The following SLF1 variants were observed in gnomAD, a reference collection of about 807,000 sequenced individuals.
SLF1 encodes the protein SMC5/6 complex localization factor 1.
SLF1 carries 105 observed loss-of-function variants against 123.0 expected under a neutral mutation model. The ratio of observed to expected loss-of-function variants is 0.85; its 90% CI spans 0.73 to 1.00. SLF1 has a LOEUF of 1.00. Among genes scored for constraint, SLF1 ranks in the 50% least tolerant of loss-of-function variants. The pLI is 0.00. For synonymous variants in SLF1, 434 were observed against 406.6 expected (o/e 1.07, Z -0.81); for missense variants, 1,239 against 1,223.0 (o/e 1.01, Z -0.20).
At chr5:94,645,323 A>T (rs1180770548) in intron 5 of SLF1, among the ~76,000 whole-genome samples, 2 of 152,204 alleles carry the variant, frequency 1.3e-5, no homozygotes, top group Non-Finnish European at 2.9e-5. Context: ...TAGACATAGA[A>T]TCTAGACCCT....
chr5:94,640,873 T>C (rs1412553666), intron 4 of SLF1, among the ~76,000 whole-genome samples: 1 of 152,248 alleles, frequency 6.6e-6, no homozygotes, highest in Non-Finnish European at 1.5e-5. Flanking sequence ...ATTAGTTCCT[T>C]TAACACATCA....
chr5:94,696,840 A>T lies in SLF1; in HGVS notation c.*1528A>T, dbSNP rs765129765. The T allele has an allele frequency of 6.6e-6, 1 of 151,868 alleles. No homozygotes were observed. Among genetic ancestry groups the T allele is most frequent in the African/African-American group, 2.4e-5 (1 of 41,410 alleles). 9.4% of individuals were successfully genotyped at this position (151,868 alleles called of 1,614,324 possible). On this transcript the variant is annotated 3_prime_UTR_variant, in exon 21 of 21. Transcript: ENST00000265140. Reference sequence around the variant, plus strand: ...ATGTCAAATAGAAATCACACCAGGTATCTTTGTCATGATAGAATTGTTAGC... The same window carrying T: ...ATGTCAAATAGAAATCACACCAGGTTTCTTTGTCATGATAGAATTGTTAGC...
At chr5:94,649,279 G>T (rs1747409337) in intron 5 of SLF1, among the ~76,000 whole-genome samples, 175 bp from the exon 6 acceptor site, 1 of 152,136 alleles carries the variant, frequency 6.6e-6, no homozygotes, top group African/African-American at 2.4e-5. Context: ...TTACTATCAT[G>T]ATTTTTTCCC....
At chr5:94,637,052 T>A (rs1745891652) in intron 4 of SLF1, among the ~76,000 whole-genome samples, 1 of 152,348 alleles carries the variant, frequency 6.6e-6, no homozygotes, top group South Asian at 2.1e-4. Flanking sequence ...TCTTTGTCTA[T>A]CATTCTGTAG....
intron 15 of SLF1, among the ~76,000 whole-genome samples, chr5:94,685,940 T>C (rs1343838759): frequency 6.6e-6 from 1 of 152,060 alleles, no homozygotes; most frequent in Non-Finnish European, 1.5e-5. Context: ...TTATACATGC[T>C]CCTGTTTCAT....
Position 94,670,126 on chromosome 5 carries a change from A to C in SLF1, c.1533-25A>C, listed in dbSNP as rs765544306. 2.0e-5 allele frequency: 30 copies of C among 1,523,346 alleles called. No individual in the cohort carries two copies. The Admixed American group carries it at 6.3e-4, about 32-fold the overall frequency. The allele number at this position is 1,523,346 out of a possible 1,614,324, so 94.4% of individuals were successfully genotyped here. ...ACTTAGTGAATTGCTTGTATGTTAT[A>C]GATTTTTGGGTTCATGTTTTTCAGG... On this transcript the variant is annotated intron_variant, in intron 12 of 20. Transcript: ENST00000265140.
At chr5:94,680,553 T>C (rs551142727) in intron 15 of SLF1, among the ~76,000 whole-genome samples, 1 of 152,320 alleles carries the variant, frequency 6.6e-6, no homozygotes, top group East Asian at 1.9e-4. Context: ...TTTCATTCCT[T>C]AATGAAATTT....
In SLF1 at chr5:94,628,888, A is replaced by G. The variant is rs1190952423; in HGVS notation, c.78A>G (p.Leu26=). 1 of 1,549,478 alleles carries G rather than the reference A, an allele frequency of 6.5e-7. No homozygotes were observed. The highest frequency in any genetic ancestry group is 8.7e-7 in the Non-Finnish European group (1 of 1,146,088). The change falls in exon 2 of 21, where the codon TTA becomes TTG. Residue 26 remains leucine, a synonymous_variant. Coordinates refer to ENST00000265140, the MANE Select transcript of SLF1 (RefSeq NM_032290.4). ...KMEEKEALVK[L]LLKLDCTFIK... is the part of the protein sequence containing the mutation. Reference sequence around the variant, plus strand: ...AAGAAAAAGAAGCGCTAGTCAAATTACTTTTAAAACTAGATTGCACTTTTA... The same window carrying G: ...AAGAAAAAGAAGCGCTAGTCAAATTGCTTTTAAAACTAGATTGCACTTTTA...
chr5:94,650,815 G>T (rs548843568), intron 6 of SLF1, among the ~76,000 whole-genome samples: 1 of 152,180 alleles, frequency 6.6e-6, no homozygotes, highest in Non-Finnish European at 1.5e-5. Flanking sequence ...TTGAGTTGAT[G>T]TGCCTCTTGT....
At chr5:94,650,328 T>G (rs1484782076) in intron 6 of SLF1, among the ~76,000 whole-genome samples, 1 of 151,900 alleles carries the variant, frequency 6.6e-6, no homozygotes, top group Non-Finnish European at 1.5e-5. Flanking sequence ...CTGTCAAGTA[T>G]TTTTGAAAGG....
intron 4 of SLF1, among the ~76,000 whole-genome samples, chr5:94,633,177 G>C (rs776663256): frequency 1.3e-5 from 2 of 151,354 alleles, no homozygotes; most frequent in Non-Finnish European, 2.9e-5. Flanking sequence ...AGTAGAGATG[G>C]GGTTTCTCCA....
chr5:94,621,507 A>T (rs369015300), intron 1 of SLF1, among the ~76,000 whole-genome samples: 1 of 152,166 alleles, frequency 6.6e-6, no homozygotes, highest in South Asian at 2.1e-4. Flanking sequence ...CCTTCTAAGT[A>T]AACCAAATTT....
At chr5:94,677,979 G>T (rs1312875409) in intron 14 of SLF1, among the ~76,000 whole-genome samples, 1 of 151,436 alleles carries the variant, frequency 6.6e-6, no homozygotes, top group Non-Finnish European at 1.5e-5. Flanking sequence ...GGAGTGCAGT[G>T]GCACAATCTC....
At position 94,653,291 on chromosome 5, in the gene SLF1, A is replaced by G; in HGVS notation, c.902A>G (p.Asp301Gly). 9 of 1,527,484 alleles carry G rather than the reference A, an allele frequency of 5.9e-6. No individual in the cohort carries two copies. The highest frequency in any genetic ancestry group is 7.0e-6 in the Non-Finnish European group (8 of 1,139,072). The allele number at this position is 1,527,484 out of a possible 1,614,324, so 94.6% of individuals were successfully genotyped here. ...YENQKEIKKK[D>G]EDIQRSYTLR... ...ATGTAGAAGGAAATTAAGAAAAAAG[A>G]TGAAGATATTCAGAGGAGTTATACT... Residue 301 changes from aspartate to glycine, a missense_variant, in exon 8 of 21, where the codon GAT (aspartate) becomes GGT (glycine). Coordinates refer to ENST00000265140, the MANE Select transcript of SLF1 (RefSeq NM_032290.4).
chr5:94,691,315 C>A, intron 18 of SLF1: 1 of 431,268 alleles, frequency 2.3e-6, no homozygotes, highest in Non-Finnish European at 4.1e-6. Context: ...TGTGTTAAAC[C>A]TTTTGCAGTA....
rs1753575399 is a variant in SLF1, at chr5:94,697,595, C to G, written c.*2283C>G. On this transcript the variant is annotated 3_prime_UTR_variant, in exon 21 of 21. Transcript: ENST00000265140. ...AGACCTTATTACAATGTAAATAAAG[C>G]TGGAGAGGAGATTTCTGAGCAGTTA... 2 of 151,790 alleles carry G rather than the reference C, an allele frequency of 1.3e-5. No individual in the cohort carries two copies. 9.4% of individuals were successfully genotyped at this position (151,790 alleles called of 1,614,324 possible).
Position 94,653,411 on chromosome 5 carries a change from A to C in SLF1, c.1022A>C (p.Asn341Thr). The C allele has an allele frequency of 6.7e-7, 1 of 1,500,690 alleles. No homozygotes were observed. Among genetic ancestry groups the C allele is most frequent in the Non-Finnish European group, 8.8e-7 (1 of 1,132,044 alleles). The allele number at this position is 1,500,690 out of a possible 1,614,324, so 93.0% of individuals were successfully genotyped here. Residue 341 changes from asparagine (N) to threonine (T), a missense_variant, in exon 8 of 21, where the codon AAT becomes ACT. By Grantham distance (65) the Asn-to-Thr change is moderately conservative (BLOSUM62 0). Coordinates refer to ENST00000265140, the MANE Select transcript of SLF1 (RefSeq NM_032290.4). ...AGTACCTTAAGAAGGCACATATATA[A>C]TAGAGATCAGGTAAAGTTTGTAAGC... ...IKSTLRRHIY[N>T]RDQKEMKNSI...
intron 14 of SLF1, among the ~76,000 whole-genome samples, chr5:94,675,343 T>C (rs944568530): frequency 6.6e-6 from 1 of 152,236 alleles, no homozygotes; most frequent in Non-Finnish European, 1.5e-5. Context: ...CTTGTCAACC[T>C]TTTATTTCTT....
At chr5:94,671,100 C>T (rs1483775707) in intron 14 of SLF1, 92 bp downstream of exon 14, 4 of 943,580 alleles carry the variant, frequency 4.2e-6, no homozygotes, top group Admixed American at 3.1e-5. Context: ...TTGGATCACT[C>T]GAAAACAATT....
Sources: allele counts gnomAD v4.1 joint callset (sites outside exome capture counted in the v4.1 genomes callset), GRCh38; gene constraint gnomAD v4.1.1; transcripts MANE v1.5; gene names NCBI Gene and HGNC (gene_info 2026-07-23, HGNC 2026-07-21).